Variants in CSMD1 observed in about 807,000 individuals in gnomAD.
CSMD1 encodes the protein CUB and sushi domain-containing protein 1.
In CSMD1, 213 loss-of-function variants were observed where a neutral mutation model predicts 417.5. The observed-to-expected ratio is 0.51, with a 90% confidence interval of 0.46 to 0.57. CSMD1 has a LOEUF of 0.57. CSMD1 is among the 20% of genes least tolerant of loss of function. CSMD1 has a pLI of 0.00. For missense variants in CSMD1, 6,923 were observed against 4,529.7 expected (o/e 1.53, Z -15.17); for synonymous variants, 2,862 against 1,736.8 (o/e 1.65, Z -16.11).
At chr8:4,896,273 C>T (rs922663463) in intron 1 of CSMD1, among the ~76,000 whole-genome samples, 1 of 152,048 alleles carries the variant, frequency 6.6e-6, no homozygotes, top group East Asian at 1.9e-4. Context: ...ATGCTTTTCC[C>T]TAGCATATCG....
At chr8:4,023,196 T>C (rs1284892978) in intron 4 of CSMD1, among the ~76,000 whole-genome samples, 2 of 152,188 alleles carry the variant, frequency 1.3e-5, no homozygotes, top group Non-Finnish European at 2.9e-5. Context: ...TGTTGCAGGC[T>C]ACAGACCTTC....
chr8:3,900,425 G>A (rs1204891373), intron 5 of CSMD1, among the ~76,000 whole-genome samples: 2 of 151,450 alleles, frequency 1.3e-5, no homozygotes, highest in Non-Finnish European at 2.9e-5. Context: ...CTGGGTGACA[G>A]TGTAGCTGGG....
chr8:3,246,439 C>T (rs538006561), intron 26 of CSMD1, among the ~76,000 whole-genome samples: 12 of 152,248 alleles, frequency 7.9e-5, no homozygotes, highest in Middle Eastern at 3.4e-3. Flanking sequence ...CTTCTATTCT[C>T]TGTTCACCCC....
At chr8:3,543,946 CCAAAG>C in intron 10 of CSMD1, among the ~76,000 whole-genome samples, 1 of 152,180 alleles carries the variant, frequency 6.6e-6, no homozygotes, top group Non-Finnish European at 1.5e-5. Context: ...CAGGAAGTGG[CCAAAG>C]CAAAGCAACT....
intron 26 of CSMD1, among the ~76,000 whole-genome samples, chr8:3,247,129 C>A (rs1424080741): frequency 6.6e-6 from 1 of 152,134 alleles, no homozygotes; most frequent in Non-Finnish European, 1.5e-5. Context: ...GGTGTGATGT[C>A]TCATTTGCCC....
At chr8:4,413,351 C>G (rs143358016) in intron 3 of CSMD1, among the ~76,000 whole-genome samples, 32 of 152,238 alleles carry the variant, frequency 2.1e-4, no homozygotes, top group African/African-American at 7.7e-4. Context: ...TTCTATCATT[C>G]ATTCTTTTAT....
chr8:2,962,202 G>A (rs1339539023), intron 61 of CSMD1, among the ~76,000 whole-genome samples: 1 of 152,216 alleles, frequency 6.6e-6, no homozygotes, highest in Non-Finnish European at 1.5e-5. Flanking sequence ...AAGGTAGACA[G>A]CGGAGAGAGC....
chr8:3,127,891 G>A (rs1443716884), intron 41 of CSMD1: 3 of 143,720 alleles, frequency 2.1e-5, no homozygotes, highest in East Asian at 4.2e-4. Context: ...AGGGAGGGAG[G>A]GAGGAATGAA....
At chr8:4,723,996 A>T (rs1216153808) in intron 1 of CSMD1, among the ~76,000 whole-genome samples, 3 of 152,068 alleles carry the variant, frequency 2.0e-5, no homozygotes, top group Non-Finnish European at 4.4e-5. Flanking sequence ...AACAATTTTT[A>T]AAAATATGAT....
At chr8:3,555,237 G>C (rs886416407) in intron 10 of CSMD1, among the ~76,000 whole-genome samples, 5 of 151,784 alleles carry the variant, frequency 3.3e-5, no homozygotes, top group Non-Finnish European at 7.4e-5. Flanking sequence ...CTTGTGAAAT[G>C]TGACAGGGCA....
At chr8:4,154,069 A>G (rs903647840) in intron 3 of CSMD1, among the ~76,000 whole-genome samples, 9 of 152,332 alleles carry the variant, frequency 5.9e-5, no homozygotes, top group Middle Eastern at 3.4e-3. Context: ...GGTAATAAAT[A>G]AATTGGAAGA....
chr8:3,406,309 T>C lies in CSMD1; in HGVS notation c.2072-88A>G, dbSNP rs901283443. On this transcript the variant is annotated intron_variant, in intron 14 of 69. Transcript: ENST00000635120. ...AAAAGAAGAAAACAGAACAAGCTTA[T>C]AAAGCATTCATATAATGTATATAAT... is the stretch of plus-strand genomic sequence containing the variant. 3.9e-6 allele frequency: 4 copies of C among 1,038,878 alleles called. No homozygotes were observed. In the African/African-American group the frequency reaches 6.5e-5, roughly 17 times the overall value. 64.4% of individuals were successfully genotyped at this position (1,038,878 alleles called of 1,614,324 possible).
chr8:4,609,408 C>T (rs1801051022), intron 2 of CSMD1, among the ~76,000 whole-genome samples: 1 of 152,076 alleles, frequency 6.6e-6, no homozygotes, highest in African/African-American at 2.4e-5. Flanking sequence ...CTCAGAAAAA[C>T]AAAAGAGATG....
In CSMD1 at chr8:3,737,466, G is replaced by A. The variant is rs533601712; in HGVS notation, c.931+16464C>T. 1.9e-4 allele frequency among the ~76,000 whole-genome samples: 29 copies of A among 152,272 alleles called. No individual in the cohort carries two copies. In the South Asian group the frequency reaches 4.6e-3, roughly 24 times the overall value. On this transcript the variant is annotated intron_variant, in intron 6 of 69. Transcript: ENST00000635120. The stretch of plus-strand genomic sequence containing the variant: ...GTTACAGAAAAATTAATTGTTAAAT[G>A]CCATCATCTTGCTCTCTGTTGAAAA...
intron 3 of CSMD1, among the ~76,000 whole-genome samples, chr8:4,110,048 A>C (rs1356299240): frequency 4.6e-5 from 7 of 152,194 alleles, no homozygotes; most frequent in Non-Finnish European, 8.8e-5. Context: ...GGCTAGACTG[A>C]AACTTGAAGT....
chr8:3,075,223 T>C (rs543223718), intron 49 of CSMD1, among the ~76,000 whole-genome samples: 20 of 151,934 alleles, frequency 1.3e-4, no homozygotes, highest in Middle Eastern at 3.4e-3. Flanking sequence ...ATTAAACCTC[T>C]TTTCTTTATA....
chr8:4,358,072 A>G (rs1453692766), intron 3 of CSMD1, among the ~76,000 whole-genome samples: 1 of 152,202 alleles, frequency 6.6e-6, no homozygotes. Flanking sequence ...ACTTACGTAT[A>G]TATGTATATA....
At chr8:4,293,643 G>C (rs1448000716) in intron 3 of CSMD1, among the ~76,000 whole-genome samples, 2 of 152,100 alleles carry the variant, frequency 1.3e-5, no homozygotes, top group Non-Finnish European at 2.9e-5. Flanking sequence ...GTAAGACACA[G>C]CAGTCTCTTA....
At chr8:4,727,234 C>G (rs923541536) in intron 1 of CSMD1, among the ~76,000 whole-genome samples, 11 of 152,072 alleles carry the variant, frequency 7.2e-5, no homozygotes, top group Non-Finnish European at 1.5e-5. Context: ...AGCAGGGCAC[C>G]CAAGCATTTC....
Sources: allele counts gnomAD v4.1 joint callset (sites outside exome capture counted in the v4.1 genomes callset), GRCh38; gene constraint gnomAD v4.1.1; transcripts MANE v1.5; gene names NCBI Gene and HGNC (gene_info 2026-07-23, HGNC 2026-07-21).